The following CLIC5 variants were observed in gnomAD, a reference collection of about 807,000 sequenced individuals.
CLIC5 encodes the protein chloride intracellular channel protein 5.
Under a neutral mutation model 24.7 loss-of-function variants are expected in CLIC5, and 20 were observed. The observed-to-expected ratio is 0.81, with a 90% CI of 0.57 to 1.18. The LOEUF is 1.18. Among genes scored for constraint, CLIC5 ranks in the 50% most tolerant of loss-of-function variants. The pLI, the probability that CLIC5 is intolerant of heterozygous loss-of-function variation, is 0.00. For missense variants in CLIC5, 341 were observed against 326.1 expected (o/e 1.05, Z -0.35); for synonymous variants, 159 against 135.6 (o/e 1.17, Z -1.20).
chr6:46,080,152 G>T, exon 1 of CLIC5: 1 of 1,551,572 alleles, frequency 6.4e-7, no homozygotes, highest in Non-Finnish European at 8.7e-7. Context: ...TCATAATGGG[G>T]ACTTTCATTT....
chr6:45,915,726 A>G (rs1314734220), intron 4 of CLIC5, among the ~76,000 whole-genome samples: 1 of 152,242 alleles, frequency 6.6e-6, no homozygotes, highest in African/African-American at 2.4e-5. Flanking sequence ...ACAAAAGCAG[A>G]CAAAATACCC....
downstream of CLIC5, among the ~76,000 whole-genome samples, chr6:45,895,433 G>T (rs1027039116): frequency 6.6e-6 from 1 of 152,132 alleles, no homozygotes; most frequent in African/African-American, 2.4e-5. Context: ...GTTTTAGAAG[G>T]ATTCGTTCTT....
At position 45,985,564 on chromosome 6, in the gene CLIC5, C is replaced by A. The variant is rs573487023; in HGVS notation, c.63+29916G>T. Among the ~76,000 whole-genome samples the A allele has an allele frequency of 5.3e-5, 8 of 152,122 alleles. No individual in the cohort carries two copies. The South Asian group carries it at 1.7e-3, about 32-fold the overall frequency. ...GTGTCCCTCCAGACCTGCTCTCTAG[C>A]CTCACCACTCTGCTTGGGGCCTGGA... On this transcript the variant is annotated intron_variant, in intron 1 of 5. Transcript: ENST00000339561.
At chr6:46,088,541 A>G in the CLIC5 span, among the ~76,000 whole-genome samples, 1 of 152,202 alleles carries the variant, frequency 6.6e-6, no homozygotes, top group African/African-American at 2.4e-5. Context: ...AAGAAAAATA[A>G]TCTGCATTTC....
chr6:46,064,776 T>C (rs1762396463), intron 1 of CLIC5, among the ~76,000 whole-genome samples: 1 of 152,050 alleles, frequency 6.6e-6, no homozygotes, highest in Non-Finnish European at 1.5e-5. Flanking sequence ...TAAATCCATA[T>C]GTTGTACCAT....
chr6:45,957,486 G>A (rs1764683867), intron 1 of CLIC5, among the ~76,000 whole-genome samples: 1 of 152,140 alleles, frequency 6.6e-6, no homozygotes, highest in Admixed American at 6.5e-5. Context: ...CATGCCTGGA[G>A]CCAGCCTGAG....
chr6:46,066,720 T>C (rs933678756), intron 1 of CLIC5, among the ~76,000 whole-genome samples: 2 of 152,096 alleles, frequency 1.3e-5, no homozygotes, highest in Non-Finnish European at 2.9e-5. Context: ...CAGATAATTT[T>C]AAAATGAGGT....
At chr6:45,916,632 T>G (rs560250112) in intron 4 of CLIC5, among the ~76,000 whole-genome samples, 1 of 152,326 alleles carries the variant, frequency 6.6e-6, no homozygotes, top group East Asian at 1.9e-4. Flanking sequence ...GTTGCACAAG[T>G]CTGTGCCCAT....
In CLIC5 at chr6:45,949,265, G is replaced by T. The variant is rs752011749; in HGVS notation, c.290C>A (p.Thr97Asn). Residue 97 changes from threonine to asparagine, a missense_variant, in exon 3 of 6, where the codon ACC (threonine) becomes AAC (asparagine). Transcript: ENST00000339561. Reference sequence around the variant, plus strand: ...AGAAACAGATCCTTACTTTTCAGGGGTCAAGGTCTCCTCCAGGAACTCCTC... The same window carrying T: ...AGAAACAGATCCTTACTTTTCAGGGTTCAAGGTCTCCTCCAGGAACTCCTC... The part of the protein sequence containing the change: ...KIEEFLEETL[T>N]PEKYPKLAAK... 9.3e-6 allele frequency: 15 copies of T among 1,613,384 alleles called. No homozygotes were observed. The highest frequency in any genetic ancestry group is 1.3e-5 in the Non-Finnish European group (15 of 1,179,592).
chr6:45,897,579 C>T (rs779005975), downstream of CLIC5, among the ~76,000 whole-genome samples: 3 of 152,178 alleles, frequency 2.0e-5, no homozygotes, highest in East Asian at 1.9e-4. Flanking sequence ...TCAAGATCCA[C>T]CCCTGGGTCT....
intron 1 of CLIC5, among the ~76,000 whole-genome samples, chr6:46,036,387 T>G (rs1767661200): frequency 6.9e-6 from 1 of 144,750 alleles, no homozygotes; most frequent in Non-Finnish European, 1.5e-5. Context: ...CTCGGTTCAC[T>G]GCAAGCTCTG....
downstream of CLIC5, among the ~76,000 whole-genome samples, chr6:45,893,954 C>A (rs1354341740): frequency 1.3e-5 from 2 of 152,156 alleles, no homozygotes; most frequent in African/African-American, 2.4e-5. Flanking sequence ...AAGGGAGCAA[C>A]AACTGCCACA....
intron 1 of CLIC5, among the ~76,000 whole-genome samples, chr6:45,998,816 G>T (rs1581843473): frequency 6.6e-6 from 1 of 152,150 alleles, no homozygotes; most frequent in Non-Finnish European, 1.5e-5. Flanking sequence ...TCTTGGAAGG[G>T]TACCTAGGTC....
chr6:46,050,857 G>GTGTGTGTGTT (rs1238567754), intron 1 of CLIC5, among the ~76,000 whole-genome samples: 9 of 151,448 alleles, frequency 5.9e-5, no homozygotes, highest in Non-Finnish European at 1.3e-4. Flanking sequence ...GTGTGTATGT[G>GTGTGTGTGTT]TGTGTGTGTG....
At chr6:46,078,336 G>A (rs1270125614) in intron 1 of CLIC5, among the ~76,000 whole-genome samples, 1 of 151,782 alleles carries the variant, frequency 6.6e-6, no homozygotes, top group African/African-American at 2.4e-5. Context: ...CTCCAGCCTG[G>A]GTGACACAGT....
chr6:46,071,459 C>T (rs1035183499), intron 1 of CLIC5, among the ~76,000 whole-genome samples: 12 of 151,954 alleles, frequency 7.9e-5, no homozygotes, highest in Admixed American at 6.6e-4. Context: ...AGAAGACATA[C>T]ATGGGGCCAA....
chr6:45,897,378 G>C (rs183272625), downstream of CLIC5, among the ~76,000 whole-genome samples: 415 of 152,264 alleles, frequency 2.7e-3, no homozygotes, highest in African/African-American at 9.2e-3. Context: ...TTGGAACTGG[G>C]GATGAAATCA....
chr6:46,014,345 A>G (rs1458862843), intron 1 of CLIC5: 2 of 152,192 alleles, frequency 1.3e-5, no homozygotes, highest in Non-Finnish European at 1.5e-5. Flanking sequence ...ATTAGCTTGT[A>G]GAGAAGGATC....
chr6:46,120,535 C>T, the CLIC5 span, among the ~76,000 whole-genome samples: 1 of 152,184 alleles, frequency 6.6e-6, no homozygotes, highest in Admixed American at 6.5e-5. Flanking sequence ...CTCTCCTCCT[C>T]CAAAGGAATG....
Sources: gnomAD v4.1 joint callset for allele counts (sites outside exome capture counted in the v4.1 genomes callset) on GRCh38, gnomAD v4.1.1 for gene constraint, MANE v1.5 for transcripts, NCBI Gene and HGNC (gene_info 2026-07-23, HGNC 2026-07-21) for gene names.